Variants in TMTC4 observed in about 807,000 individuals in gnomAD.
TMTC4 encodes transmembrane O-mannosyltransferase targeting cadherins 4.
A neutral mutation model predicts 86.0 loss-of-function variants in TMTC4; 65 were observed. The observed-to-expected ratio is 0.76, with a 90% CI of 0.62 to 0.93. The LOEUF (loss-of-function observed/expected upper bound fraction) is 0.93, where lower values mean the gene tolerates loss of function less well. Ranked by LOEUF, TMTC4 falls within the 40% of genes least tolerant of loss-of-function variation. TMTC4 has a pLI of 0.00. For missense variants in TMTC4, 866 were observed against 948.1 expected (o/e 0.91, Z 1.14); for synonymous variants, 379 against 382.5 (o/e 0.99, Z 0.11).
intron 1 of TMTC4, chr13:100,673,192 C>T (rs1219420839): frequency 2.8e-6 from 1 of 354,088 alleles, no homozygotes; most frequent in Non-Finnish European, 4.0e-6. Context: ...AGTGAGAAGG[C>T]CAAAAAGACC....
At chr13:100,606,261 G>T in intron 18 of TMTC4, 97 bp downstream of exon 18, 1 of 1,081,544 alleles carries the variant, frequency 9.2e-7, no homozygotes. Context: ...GGCTAGCTTT[G>T]AAAAAACTAC....
chr13:100,637,152 A>C (rs1487675331), intron 9 of TMTC4, among the ~76,000 whole-genome samples: 2 of 152,058 alleles, frequency 1.3e-5, no homozygotes, highest in Non-Finnish European at 2.9e-5. Flanking sequence ...TTGCCTTTAG[A>C]AAAAAGGCAA....
At chr13:100,672,891 G>C (rs1218461260) in intron 1 of TMTC4, among the ~76,000 whole-genome samples, 1 of 152,132 alleles carries the variant, frequency 6.6e-6, no homozygotes, top group Non-Finnish European at 1.5e-5. Flanking sequence ...TTCTCCACAT[G>C]ATGTCCTGCC....
chr13:100,624,343 AAAAAAAAAAAT>A (rs202200823), intron 15 of TMTC4: 39,362 of 115,106 alleles, frequency 0.34, 6,377 homozygotes, highest in East Asian at 0.49. Context: ...CTCTGTCTCA[AAAAAAAAAAAT>A]AAAAAAAAAA....
At chr13:100,670,935 CAG>C (rs1887018429) in intron 1 of TMTC4, among the ~76,000 whole-genome samples, 2 of 152,196 alleles carry the variant, frequency 1.3e-5, no homozygotes, top group Non-Finnish European at 2.9e-5. Flanking sequence ...GCATGGGCAA[CAG>C]AGTGAGACCC....
intron 17 of TMTC4, among the ~76,000 whole-genome samples, chr13:100,609,043 G>A (rs955516048): frequency 2.0e-5 from 3 of 152,136 alleles, no homozygotes; most frequent in Non-Finnish European, 4.4e-5. Context: ...CGCTAGAATA[G>A]GAAGGGTAAC....
intron 3 of TMTC4, 89 bp from the exon 4 acceptor site, chr13:100,664,425 G>T: frequency 1.1e-6 from 1 of 891,092 alleles, no homozygotes; most frequent in Non-Finnish European, 1.7e-6. Flanking sequence ...GATGCAGTCA[G>T]GCCTCCTAGC....
rs35254351 is a variant in TMTC4 at position 100,644,098 on chromosome 13, CT to C, written c.641-1788del. Among the ~76,000 whole-genome samples, 711 of 132,270 alleles carry C rather than the reference CT, an allele frequency of 5.4e-3. 3 individuals are homozygous for C. Among genetic ancestry groups the C allele is most frequent in the South Asian group, 0.02 (76 of 3,838 alleles). 86.8% of individuals were successfully genotyped at this position (132,270 alleles called of 152,430 possible). The stretch of plus-strand genomic sequence containing the variant: ...TTCTGGCCTGGGGGTGGGAGGCGCT[CT>C]TTTTTTTTTTTTTTTTTTCTTTTTG... On this transcript the variant is annotated intron_variant, in intron 6 of 18. Coordinates refer to ENST00000342624, the MANE Select transcript of TMTC4 (RefSeq NM_032813.5).
At chr13:100,642,414 C>G in intron 6 of TMTC4, 103 bp from the exon 7 acceptor site, 1 of 1,321,596 alleles carries the variant, frequency 7.6e-7, no homozygotes, top group South Asian at 1.3e-5. Flanking sequence ...ACAACCATAA[C>G]TTAAAAACAG....
Position 100,638,031 on chromosome 13 carries a change from G to A in TMTC4, c.742-9C>T. 6.2e-7 allele frequency: 1 copy of A among 1,612,182 alleles called. No homozygotes were observed. The highest frequency in any genetic ancestry group is 1.7e-5 in the Admixed American group (1 of 59,806). ...AATACCGCATTTAAACCCTAAGAAA[G>A]CAAAGCAAGACAATCAGCCACGGGA... On this transcript the variant is annotated splice_polypyrimidine_tract_variant and intron_variant, in intron 7 of 18. Coordinates refer to ENST00000342624, the MANE Select transcript of TMTC4 (RefSeq NM_032813.5).
chr13:100,655,476 C>G (rs1884991415), intron 6 of TMTC4, among the ~76,000 whole-genome samples: 1 of 152,182 alleles, frequency 6.6e-6, no homozygotes, highest in African/African-American at 2.4e-5. Context: ...AGGGACCCCT[C>G]CCTCCCAGTC....
rs1441507725 is a variant in TMTC4, at chr13:100,604,308, G to A, written c.*686C>T. On this transcript the variant is annotated 3_prime_UTR_variant, in exon 19 of 19. Transcript: ENST00000342624. ...CTTTCAATTGATAGTAACCGCTTAT[G>A]TAAAATATTACATTACATAATCTCC... 6.6e-6 allele frequency: 1 copy of A among 152,574 alleles called. No homozygotes were observed. Among genetic ancestry groups the A allele is most frequent in the Non-Finnish European group, 1.5e-5 (1 of 68,046 alleles). The allele number at this position is 152,574 out of a possible 1,614,324, so 9.5% of individuals were successfully genotyped here. A position where few individuals can be genotyped will look rare whatever the true frequency, so the allele number is the denominator to read the frequency against.
chr13:100,605,040 C>T lies in TMTC4; in HGVS notation c.2237G>A (p.Gly746Asp), dbSNP rs1182185902. The T allele has an allele frequency of 6.2e-7, 1 of 1,614,050 alleles. No homozygotes were observed. Among genetic ancestry groups the T allele is most frequent in the Admixed American group, 1.7e-5 (1 of 59,998 alleles). ...PTASGTKENY[G>D]LLRRKLELMQ... ...TAGTTCTAGCTTTCTTCTCAGCAGA[C>T]CGTAATTCTCCTTAGTTCCTGATGC... The change falls in exon 19 of 19, where the codon GGT becomes GAT. Residue 746 changes from glycine to aspartate, a missense_variant. Physicochemically the swap from Gly to Asp is moderately conservative, Grantham distance 94. Coordinates refer to ENST00000342624, the MANE Select transcript of TMTC4 (RefSeq NM_032813.5). The surrounding 1 kb of genome is among the most constrained non-coding windows in gnomAD (Gnocchi z 4.3).
Position 100,604,346 on chromosome 13 carries a change from T to C in TMTC4, c.*648A>G, listed in dbSNP as rs1021760137. On this transcript the variant is annotated 3_prime_UTR_variant, in exon 19 of 19. Transcript: ENST00000342624. ...TTACATAATCTCCTGTGTATTGAAA[T>C]TGCACAAGTCAGAGCATCCAAAAAC... 1 of 152,608 alleles carries C rather than the reference T, an allele frequency of 6.6e-6. No individual in the cohort carries two copies. The highest frequency in any genetic ancestry group is 2.4e-5 in the African/African-American group (1 of 41,462). The allele number at this position is 152,608 out of a possible 1,614,324, so 9.5% of individuals were successfully genotyped here. A position where few individuals can be genotyped will look rare whatever the true frequency, so the allele number is the denominator to read the frequency against.
intron 17 of TMTC4, among the ~76,000 whole-genome samples, chr13:100,607,425 G>A (rs765909611): frequency 4.6e-5 from 7 of 151,956 alleles, no homozygotes; most frequent in African/African-American, 7.3e-5. Flanking sequence ...GCTGAGGCAG[G>A]AGAATTGCTC....
intron 12 of TMTC4, among the ~76,000 whole-genome samples, chr13:100,633,550 T>C (rs1194235695): frequency 6.6e-6 from 1 of 152,190 alleles, no homozygotes; most frequent in African/African-American, 2.4e-5. Context: ...AAAAAATTCC[T>C]ACCAGATTGC....
chr13:100,635,985 T>C (rs1882153326), intron 10 of TMTC4, among the ~76,000 whole-genome samples: 1 of 152,240 alleles, frequency 6.6e-6, no homozygotes, highest in Admixed American at 6.5e-5. Context: ...ACTAATCTAA[T>C]TCCATAAACA....
intron 7 of TMTC4, among the ~76,000 whole-genome samples, 198 bp downstream of exon 7, chr13:100,642,013 A>G (rs9518121): frequency 0.72 from 109,117 of 152,214 alleles, 40,025 homozygotes; most frequent in East Asian, 0.98. Context: ...GACTGTCAAG[A>G]AAGTCAGTCA....
chr13:100,632,568 T>A (rs1254000625), intron 12 of TMTC4, among the ~76,000 whole-genome samples: 2 of 152,198 alleles, frequency 1.3e-5, no homozygotes, highest in Non-Finnish European at 2.9e-5. Context: ...AATTGATAAG[T>A]CAACAAATCA....
Sources: gnomAD v4.1 joint callset for allele counts (sites outside exome capture counted in the v4.1 genomes callset) on GRCh38, gnomAD v4.1.1 for gene constraint, Gnocchi (gnomAD v3.1) non-coding constraint, MANE v1.5 for transcripts, NCBI Gene and HGNC (gene_info 2026-07-23, HGNC 2026-07-21) for gene names.